The following RFX3 variants were observed in gnomAD, a reference collection of about 807,000 sequenced individuals.
RFX3 encodes the protein transcription factor RFX3.
A neutral mutation model predicts 98.6 loss-of-function variants in RFX3; 14 were observed. The observed-to-expected ratio is 0.14, with a 90% confidence interval of 0.09 to 0.22. RFX3 has a LOEUF of 0.22. Ranked by LOEUF, RFX3 falls within the 10% of genes least tolerant of loss-of-function variation. The pLI is 1.00. For missense variants in RFX3, 639 were observed against 926.9 expected, an observed-to-expected ratio of 0.69 and a Z score of 4.03; for synonymous variants, 383 against 328.4, an observed-to-expected ratio of 1.17 and a Z score of -1.80.
intron 15 of RFX3, chr9:3,247,810 G>A (rs777882106): frequency 1.2e-6 from 2 of 1,606,384 alleles, no homozygotes; most frequent in African/African-American, 1.3e-5. Context: ...CACATTCCAT[G>A]AACTTTCACA....
At chr9:3,434,786 TAAC>T in intron 1 of RFX3, among the ~76,000 whole-genome samples, 1 of 152,194 alleles carries the variant, frequency 6.6e-6, no homozygotes, top group East Asian at 1.9e-4. Context: ...ATGCATTGCT[TAAC>T]AACAGGGATA....
At chr9:3,468,907 A>C (rs2133190252) in intron 1 of RFX3, among the ~76,000 whole-genome samples, 1 of 152,182 alleles carries the variant, frequency 6.6e-6, no homozygotes, top group East Asian at 1.9e-4. Flanking sequence ...CAATGTAAAA[A>C]CAAGTTGAAA....
At chr9:3,308,000 T>A (rs1173136241) in intron 4 of RFX3, among the ~76,000 whole-genome samples, 1 of 152,208 alleles carries the variant, frequency 6.6e-6, no homozygotes, top group Non-Finnish European at 1.5e-5. Context: ...CCATTAAAAA[T>A]GGGGATAGTA....
At chr9:3,324,163 A>G (rs1440091985) in intron 4 of RFX3, 1 of 281,022 alleles carries the variant, frequency 3.6e-6, no homozygotes, top group East Asian at 9.2e-5. Flanking sequence ...GTTCCTGCCA[A>G]AATAAGTGGA....
chr9:3,275,728 C>T (rs1825120308), intron 8 of RFX3, 116 bp from the exon 9 acceptor site: 1 of 553,680 alleles, frequency 1.8e-6, no homozygotes, highest in Admixed American at 3.2e-5. Context: ...GTCAGGGGTC[C>T]AGAGAGCAAG....
At chr9:3,467,125 T>TATAA (rs1564138940) in intron 1 of RFX3, among the ~76,000 whole-genome samples, 5 of 95,118 alleles carry the variant, frequency 5.3e-5, no homozygotes, top group Middle Eastern at 4.6e-3. Flanking sequence ...CATACATATA[T>TATAA]GTAAGTATAT....
rs114104206 is a variant in RFX3, at chr9:3,322,216, G to A, written c.474+8043C>T. On this transcript the variant is annotated intron_variant, in intron 4 of 16. Coordinates refer to ENST00000617270, the MANE Select transcript of RFX3 (RefSeq NM_001282116.2). ...TTATGTTAACTTAGGGAGGTTAAATGTTTAATATTGAAATTTCTTATCCAA... is the reference window on the plus strand; with the variant it reads ...TTATGTTAACTTAGGGAGGTTAAATATTTAATATTGAAATTTCTTATCCAA... Among the ~76,000 whole-genome samples, 408 of 152,198 alleles carry A rather than the reference G, an allele frequency of 2.7e-3. 2 individuals carry two copies. Among genetic ancestry groups the A allele is most frequent in the African/African-American group, 9.0e-3 (375 of 41,530 alleles).
rs1826895816 is a variant in RFX3, at chr9:3,288,226, A to G, written c.756T>C (p.Tyr252=). The change falls in exon 7 of 17, where the codon TAT becomes TAC. Residue 252 remains tyrosine (Y), a synonymous_variant. Coordinates refer to ENST00000617270, the MANE Select transcript of RFX3 (RefSeq NM_001282116.2). ...GTRGNSKYHY[Y]GIRVKPDSPL... is the part of the protein sequence containing the mutation. ...GGGAATCTGGCTTGACACGAATCCCATAGTAGTGGTATTTGGAGTTTCCTC... is the reference window on the plus strand; with the variant it reads ...GGGAATCTGGCTTGACACGAATCCCGTAGTAGTGGTATTTGGAGTTTCCTC... The G allele has an allele frequency of 6.2e-7, 1 of 1,612,166 alleles. No homozygotes were observed. The highest frequency in any genetic ancestry group is 8.5e-7 in the Non-Finnish European group (1 of 1,178,572).
intron 1 of RFX3, among the ~76,000 whole-genome samples, chr9:3,474,117 G>A (rs1037436488): frequency 6.6e-6 from 1 of 152,116 alleles, no homozygotes; most frequent in Non-Finnish European, 1.5e-5. Flanking sequence ...TGCTCTGCAA[G>A]TGTCTCAATT....
Position 3,266,948 on chromosome 9 carries a change from T to C in RFX3, c.1358-643A>G, listed in dbSNP as rs545798932. 1.4e-3 allele frequency among the ~76,000 whole-genome samples: 213 copies of C among 152,188 alleles called. 1 individual carries two copies. The highest frequency in any genetic ancestry group is 3.4e-3 in the Middle Eastern group (1 of 294). ...GTTACGGAAACCCGTATTCTTAAGA[T>C]ACTCCTAAAATAGCTCATTCTGTAT... On this transcript the variant is annotated intron_variant, in intron 11 of 16. Transcript: ENST00000617270.
At chr9:3,510,439 G>C (rs567847994) in intron 1 of RFX3, among the ~76,000 whole-genome samples, 1 of 152,074 alleles carries the variant, frequency 6.6e-6, no homozygotes, top group Admixed American at 6.6e-5. Context: ...CATAGAATAA[G>C]TGGATCAATA....
chr9:3,427,207 A>G (rs1433650403), intron 1 of RFX3, among the ~76,000 whole-genome samples: 3 of 146,022 alleles, frequency 2.1e-5, no homozygotes, highest in African/African-American at 5.0e-5. Context: ...ATACTATACT[A>G]TATAATAAAT....
At chr9:3,401,852 A>C (rs1174152596) in intron 1 of RFX3, among the ~76,000 whole-genome samples, 1 of 152,190 alleles carries the variant, frequency 6.6e-6, no homozygotes, top group African/African-American at 2.4e-5. Context: ...CCACATTTTG[A>C]AAGAAGGCTA....
At chr9:3,337,421 G>A (rs1401320839) in intron 3 of RFX3, among the ~76,000 whole-genome samples, 2 of 152,190 alleles carry the variant, frequency 1.3e-5, no homozygotes, top group Non-Finnish European at 2.9e-5. Flanking sequence ...TTTAAGCCAG[G>A]TACTGGCTTT....
chr9:3,422,637 A>G (rs1004577983), intron 1 of RFX3, among the ~76,000 whole-genome samples: 1 of 152,220 alleles, frequency 6.6e-6, no homozygotes, highest in African/African-American at 2.4e-5. Context: ...ACTCCAAAAT[A>G]AGTCAGGCTT....
At chr9:3,295,386 G>C (rs1827868131) in intron 5 of RFX3, among the ~76,000 whole-genome samples, 1 of 152,050 alleles carries the variant, frequency 6.6e-6, no homozygotes, top group African/African-American at 2.4e-5. Context: ...TTGTACAACA[G>C]TGCTGGTTCT....
intron 3 of RFX3, among the ~76,000 whole-genome samples, chr9:3,332,612 C>A (rs769793705): frequency 2.9e-4 from 44 of 152,068 alleles, no homozygotes; most frequent in Admixed American, 7.9e-4. Context: ...AAAATAAAAC[C>A]GCTTAAAAAC....
In RFX3 at chr9:3,504,935, A is replaced by AAC. The variant is rs757543184; in HGVS notation, c.-9+20811_-9+20812insGT. The stretch of plus-strand genomic sequence containing the variant: ...ATATAATATAACATATATTATATAT[A>AAC]ATATATATAATATAATATATATTAT... On this transcript the variant is annotated intron_variant, in intron 1 of 16. Transcript: ENST00000617270. 5.7e-3 allele frequency among the ~76,000 whole-genome samples: 366 copies of AAC among 63,770 alleles called. 4 individuals carry two copies. The highest frequency in any genetic ancestry group is 0.022 in the South Asian group (49 of 2,224). The allele number at this position is 63,770 out of a possible 152,430, so 41.8% of individuals were successfully genotyped here. A position where few individuals can be genotyped will look rare whatever the true frequency, so the allele number is the denominator to read the frequency against.
intron 1 of RFX3, among the ~76,000 whole-genome samples, chr9:3,449,007 T>C (rs935366985): frequency 6.6e-6 from 1 of 152,156 alleles, no homozygotes; most frequent in Admixed American, 6.5e-5. Flanking sequence ...CAAACTACTT[T>C]AAAATTAAAA....
Sources: gnomAD v4.1 joint callset for allele counts (sites outside exome capture counted in the v4.1 genomes callset) on GRCh38, gnomAD v4.1.1 for gene constraint, MANE v1.5 for transcripts, NCBI Gene and HGNC (gene_info 2026-07-23, HGNC 2026-07-21) for gene names.